Variants in LUC7L2 observed in about 807,000 individuals in gnomAD.
LUC7L2 encodes LUC7 like 2, pre-mRNA splicing factor, also known as putative RNA-binding protein Luc7-like 2.
LUC7L2 carries 25 observed loss-of-function variants against 52.8 expected under a neutral mutation model. That is an observed-to-expected ratio of 0.47 (90% CI 0.34 to 0.66). The LOEUF is 0.66. Ranked by LOEUF, LUC7L2 falls within the 30% of genes least tolerant of loss-of-function variation. The pLI, the probability that LUC7L2 is intolerant of heterozygous loss-of-function variation, is 0.01. For missense variants in LUC7L2, 328 were observed against 497.8 expected, an observed-to-expected ratio of 0.66 and a Z score of 3.25; for synonymous variants, 144 against 160.9, an observed-to-expected ratio of 0.89 and a Z score of 0.80.
chr7:139,356,309 T>C (rs1389030144), upstream of LUC7L2, among the ~76,000 whole-genome samples: 3 of 103,664 alleles, frequency 2.9e-5, no homozygotes, highest in African/African-American at 9.2e-5. Flanking sequence ...AGCAAGACCC[T>C]ATCTCAAAAA....
chr7:139,380,072 G>C (rs1398115024), intron 2 of LUC7L2, among the ~76,000 whole-genome samples: 1 of 151,664 alleles, frequency 6.6e-6, no homozygotes, highest in African/African-American at 2.4e-5. Context: ...CCAGCTACTC[G>C]GGAAGCTGAG....
chr7:139,421,876 C>T (rs1257180242), intron 9 of LUC7L2, among the ~76,000 whole-genome samples: 1 of 151,932 alleles, frequency 6.6e-6, no homozygotes, highest in African/African-American at 2.4e-5. Flanking sequence ...ATTAAAATAC[C>T]TTTTATGAAT....
chr7:139,383,475 G>A (rs756031082), intron 2 of LUC7L2, among the ~76,000 whole-genome samples: 7 of 151,734 alleles, frequency 4.6e-5, no homozygotes, highest in South Asian at 2.1e-4. Context: ...GTAATGGCGC[G>A]ATCTCGGCTC....
intron 8 of LUC7L2, among the ~76,000 whole-genome samples, chr7:139,415,726 G>A (rs938203484): frequency 2.0e-5 from 3 of 151,498 alleles, no homozygotes; most frequent in Non-Finnish European, 2.9e-5. Flanking sequence ...AACTCCTCCC[G>A]TTTAAGGATT....
intron 2 of LUC7L2, among the ~76,000 whole-genome samples, chr7:139,394,571 A>G (rs1053868316): frequency 1.3e-5 from 2 of 152,244 alleles, no homozygotes; most frequent in Non-Finnish European, 2.9e-5. Context: ...GTTAAAAACA[A>G]TGAGGCAAAA....
intron 9 of LUC7L2, among the ~76,000 whole-genome samples, chr7:139,421,425 A>G (rs1795899713): frequency 6.6e-6 from 1 of 152,162 alleles, no homozygotes; most frequent in Non-Finnish European, 1.5e-5. Context: ...TGGTTTTCCG[A>G]TTGATTTATT....
In LUC7L2 at chr7:139,341,620, C is replaced by T. The variant is rs1798972165; in HGVS notation, c.-26+1103C>T. On this transcript the variant is annotated intron_variant, in intron 1 of 10. Coordinates refer to the LUC7L2 transcript ENST00000541170. The stretch of plus-strand genomic sequence containing the variant: ...AGCACGGTGTTTAATTCCTGCATTT[C>T]TGAGGCCAACCCTCCCACGGAGCCC... 1.3e-5 allele frequency: 19 copies of T among 1,516,236 alleles called. No homozygotes were observed. The South Asian group carries it at 2.3e-4, about 18-fold the overall frequency. 93.9% of individuals were successfully genotyped at this position (1,516,236 alleles called of 1,614,324 possible). A position where few individuals can be genotyped will look rare whatever the true frequency, so the allele number is the denominator to read the frequency against.
chr7:139,341,384 A>T (rs778569166), intron 1 of LUC7L2: 1 of 1,612,522 alleles, frequency 6.2e-7, no homozygotes, highest in East Asian at 2.2e-5. Context: ...AGGACAGGAC[A>T]ATGGCGGCCT....
At chr7:139,409,515 T>G (rs1795263601) in intron 6 of LUC7L2, 48 bp from the exon 7 acceptor site, 1 of 1,558,098 alleles carries the variant, frequency 6.4e-7, no homozygotes, top group Admixed American at 2.0e-5. Flanking sequence ...TAAAGCTGTT[T>G]AAGAATGGAC....
chr7:139,381,710 G>A (rs564116986), intron 2 of LUC7L2, among the ~76,000 whole-genome samples: 1 of 151,824 alleles, frequency 6.6e-6, no homozygotes, highest in South Asian at 2.1e-4. Context: ...CCAAGTAGCT[G>A]AGATTACAGA....
intron 1 of LUC7L2, chr7:139,340,630 A>G (rs1403752095): frequency 1.3e-5 from 5 of 396,702 alleles, no homozygotes; most frequent in African/African-American, 4.1e-5. Flanking sequence ...GTAAGGCGAA[A>G]ATGAAGTGAC....
chr7:139,387,385 C>T (rs1213061156), intron 2 of LUC7L2, among the ~76,000 whole-genome samples: 1 of 150,014 alleles, frequency 6.7e-6, no homozygotes, highest in Non-Finnish European at 1.5e-5. Context: ...AGTAGAGACA[C>T]GATTTTACCA....
At chr7:139,388,030 C>A (rs1213755759) in intron 2 of LUC7L2, among the ~76,000 whole-genome samples, 1 of 152,112 alleles carries the variant, frequency 6.6e-6, no homozygotes, top group African/African-American at 2.4e-5. Context: ...AATATTCTTT[C>A]TCCTCTCTAC....
chr7:139,414,962 C>G (rs1795522004), intron 8 of LUC7L2, among the ~76,000 whole-genome samples: 1 of 151,864 alleles, frequency 6.6e-6, no homozygotes, highest in African/African-American at 2.4e-5. Context: ...TGCCAGCTCA[C>G]TGCAACCTCC....
chr7:139,394,437 T>C (rs1299477600), intron 2 of LUC7L2, among the ~76,000 whole-genome samples: 1 of 152,218 alleles, frequency 6.6e-6, no homozygotes, highest in African/African-American at 2.4e-5. Flanking sequence ...TGTATCTTTC[T>C]TGTGTTCATT....
intron 9 of LUC7L2, among the ~76,000 whole-genome samples, chr7:139,421,415 T>C (rs2116360166): frequency 6.6e-6 from 1 of 152,334 alleles, no homozygotes; most frequent in Admixed American, 6.5e-5. Flanking sequence ...ATAATATGTT[T>C]GGTTTTCCGA....
intron 2 of LUC7L2, among the ~76,000 whole-genome samples, chr7:139,382,842 C>T (rs1048025112): frequency 2.0e-5 from 3 of 152,116 alleles, no homozygotes; most frequent in African/African-American, 4.8e-5. Context: ...ACTCCTTTTT[C>T]TTATTGCTTC....
upstream of LUC7L2, among the ~76,000 whole-genome samples, chr7:139,356,314 C>CAAAAAAAAAAAA (rs10524961): frequency 1.2e-5 from 1 of 82,898 alleles, no homozygotes; most frequent in Non-Finnish European, 3.3e-5. Flanking sequence ...GACCCTATCT[C>CAAAAAAAAAAAA]AAAAAAAAAA....
chr7:139,360,413 G>T, intron 1 of LUC7L2, 91 bp downstream of exon 1: 2 of 1,209,496 alleles, frequency 1.7e-6, no homozygotes, highest in South Asian at 2.7e-5. Flanking sequence ...GCGCGCGTGT[G>T]GCTGAGTAAG....
Sources: allele counts gnomAD v4.1 joint callset (sites outside exome capture counted in the v4.1 genomes callset), GRCh38; gene constraint gnomAD v4.1.1; transcripts MANE v1.5; gene names NCBI Gene and HGNC (gene_info 2026-07-23, HGNC 2026-07-21).